GALNTL6: variants seen among roughly 807,000 people sequenced by gnomAD.
GALNTL6 encodes polypeptide N-acetylgalactosaminyltransferase-like 6.
In GALNTL6, 46 loss-of-function variants were observed where a neutral mutation model predicts 73.7. The ratio of observed to expected loss-of-function variants is 0.62; its 90% CI spans 0.49 to 0.80. GALNTL6 has a LOEUF of 0.80. Among genes scored for constraint, GALNTL6 ranks in the 30% least tolerant of loss-of-function variants. The pLI is 0.00. For missense variants in GALNTL6, 604 were observed against 755.0 expected, an observed-to-expected ratio of 0.80 and a Z score of 2.34; for synonymous variants, 259 against 263.7, an observed-to-expected ratio of 0.98 and a Z score of 0.17.
intron 3 of GALNTL6, among the ~76,000 whole-genome samples, chr4:172,262,725 A>G (rs1287024574): frequency 6.6e-6 from 1 of 151,474 alleles, no homozygotes; most frequent in Non-Finnish European, 1.5e-5. Flanking sequence ...TGTGAGATTT[A>G]TGTTTTAAGG....
intron 3 of GALNTL6, among the ~76,000 whole-genome samples, chr4:172,265,025 C>T (rs916422743): frequency 6.6e-6 from 1 of 151,760 alleles, no homozygotes; most frequent in African/African-American, 2.4e-5. Context: ...AGTGATAATT[C>T]TTACTTATTG....
intron 2 of GALNTL6, among the ~76,000 whole-genome samples, chr4:172,156,225 A>C (rs1284266663): frequency 1.3e-5 from 2 of 151,916 alleles, no homozygotes; most frequent in African/African-American, 4.8e-5. Context: ...TTCAGCGGGT[A>C]TGTGTCTCTC....
chr4:172,606,599 T>C (rs1173515108), intron 5 of GALNTL6, among the ~76,000 whole-genome samples: 1 of 113,652 alleles, frequency 8.8e-6, no homozygotes, highest in African/African-American at 3.0e-5. Context: ...TATACACATA[T>C]ATACATATAT....
chr4:172,640,276 C>T (rs1215329074), intron 5 of GALNTL6, among the ~76,000 whole-genome samples: 1 of 152,074 alleles, frequency 6.6e-6, no homozygotes, highest in Non-Finnish European at 1.5e-5. Context: ...TCACTTACTA[C>T]CAAAGGAAAC....
chr4:172,401,013 T>C lies in GALNTL6; in HGVS notation c.553+52324T>C, dbSNP rs79695839. On this transcript the variant is annotated intron_variant, in intron 5 of 12. Transcript: ENST00000506823. The stretch of plus-strand genomic sequence containing the variant: ...ACTAAATCATCTAGCACAGAGAAGA[T>C]AGAAAAAAAGCAAATCCAATTCATC... Among the ~76,000 whole-genome samples the C allele has an allele frequency of 4.0e-3, 605 of 152,184 alleles. 4 individuals are homozygous for C. Among genetic ancestry groups the C allele is most frequent in the African/African-American group, 0.014 (561 of 41,514 alleles).
chr4:172,261,480 T>C (rs192322823), intron 3 of GALNTL6, among the ~76,000 whole-genome samples: 58 of 151,762 alleles, frequency 3.8e-4, no homozygotes, highest in Admixed American at 2.9e-3. Flanking sequence ...ATTGAGACTA[T>C]TTGGATCTTC....
intron 5 of GALNTL6, among the ~76,000 whole-genome samples, chr4:172,352,059 C>T (rs1045719745): frequency 5.3e-5 from 8 of 152,044 alleles, no homozygotes; most frequent in Non-Finnish European, 8.8e-5. Flanking sequence ...ACTTAGAATG[C>T]ATATTTACAA....
chr4:172,488,321 A>G (rs911864292), intron 5 of GALNTL6, among the ~76,000 whole-genome samples: 2 of 152,240 alleles, frequency 1.3e-5, no homozygotes, highest in Non-Finnish European at 2.9e-5. Context: ...AGAAACGCAG[A>G]TAGGGCCTAG....
chr4:172,246,052 G>A (rs1737645912), intron 3 of GALNTL6, among the ~76,000 whole-genome samples: 1 of 152,096 alleles, frequency 6.6e-6, no homozygotes, highest in Non-Finnish European at 1.5e-5. Context: ...CTGCCAAAAA[G>A]TATGAATAAT....
rs937638947 is a variant in GALNTL6, at chr4:172,345,847, T to C, written c.387-2676T>C. Among the ~76,000 whole-genome samples the C allele has an allele frequency of 2.0e-5, 3 of 152,294 alleles. No individual in the cohort carries two copies. In the East Asian group the frequency reaches 5.8e-4, roughly 29 times the overall value. Reference sequence around the variant, plus strand: ...AAAAGATGCATTGTCAAACTGCTGATCACTGTGGGCAACCGAGGTGTAATC... The same window carrying C: ...AAAAGATGCATTGTCAAACTGCTGACCACTGTGGGCAACCGAGGTGTAATC... On this transcript the variant is annotated intron_variant, in intron 4 of 12. Transcript: ENST00000506823.
chr4:172,051,268 A>C (rs1251826721), intron 2 of GALNTL6, among the ~76,000 whole-genome samples: 4 of 152,110 alleles, frequency 2.6e-5, no homozygotes, highest in Admixed American at 2.6e-4. Flanking sequence ...GTGGGTACCT[A>C]TGATTTCCAA....
intron 2 of GALNTL6, among the ~76,000 whole-genome samples, chr4:172,051,814 C>A (rs1274247161): frequency 6.6e-6 from 1 of 152,090 alleles, no homozygotes; most frequent in Non-Finnish European, 1.5e-5. Flanking sequence ...CAGGGAACCA[C>A]CCTCTTGTAC....
At chr4:172,121,717 AAT>A (rs1733155504) in intron 2 of GALNTL6, among the ~76,000 whole-genome samples, 1 of 152,154 alleles carries the variant, frequency 6.6e-6, no homozygotes, top group Non-Finnish European at 1.5e-5. Flanking sequence ...TGGTAAGTTC[AAT>A]ATGTCTGTTC....
intron 11 of GALNTL6, among the ~76,000 whole-genome samples, chr4:173,013,826 T>G (rs894506916): frequency 6.6e-6 from 1 of 152,196 alleles, no homozygotes; most frequent in South Asian, 2.1e-4. Flanking sequence ...GGTTAAAACA[T>G]TACAAGCTGT....
chr4:172,341,368 G>A (rs201475121), intron 4 of GALNTL6, among the ~76,000 whole-genome samples: 2 of 147,578 alleles, frequency 1.4e-5, no homozygotes, highest in Admixed American at 6.8e-5. Flanking sequence ...GGAGAATGGC[G>A]TGAACCCGGG....
intron 5 of GALNTL6, among the ~76,000 whole-genome samples, chr4:172,641,837 T>A (rs1471530316): frequency 6.6e-6 from 1 of 152,090 alleles, no homozygotes; most frequent in Non-Finnish European, 1.5e-5. Flanking sequence ...TATATTCAAA[T>A]TCCTAAGGAA....
chr4:172,444,165 T>C (rs928746286), intron 5 of GALNTL6, among the ~76,000 whole-genome samples: 2 of 152,190 alleles, frequency 1.3e-5, no homozygotes, highest in African/African-American at 2.4e-5. Flanking sequence ...ATTGGAGTGC[T>C]TGGGCGTAAT....
At chr4:172,376,931 C>T (rs1743053814) in intron 5 of GALNTL6, among the ~76,000 whole-genome samples, 1 of 152,120 alleles carries the variant, frequency 6.6e-6, no homozygotes, top group Admixed American at 6.5e-5. Context: ...GTCTCGCTGG[C>T]TTCAGGAGTG....
intron 5 of GALNTL6, among the ~76,000 whole-genome samples, chr4:172,764,993 A>G (rs1302760317): frequency 6.6e-6 from 1 of 152,220 alleles, no homozygotes; most frequent in Admixed American, 6.5e-5. Context: ...GCAAAAGATG[A>G]TACTTGGGAA....
Sources: gnomAD v4.1 joint callset for allele counts (sites outside exome capture counted in the v4.1 genomes callset) on GRCh38, gnomAD v4.1.1 for gene constraint, MANE v1.5 for transcripts, NCBI Gene and HGNC (gene_info 2026-07-23, HGNC 2026-07-21) for gene names.